Variants in CHRNA1 observed in about 807,000 individuals in gnomAD.
The protein encoded by CHRNA1 is cholinergic receptor nicotinic alpha 1 subunit.
CHRNA1 carries 35 observed loss-of-function variants against 47.1 expected under a neutral mutation model. The ratio of observed to expected loss-of-function variants is 0.74; its 90% CI spans 0.57 to 0.99. The LOEUF is 0.99. CHRNA1 is among the 50% of genes least tolerant of loss of function. CHRNA1 has a pLI of 0.00. For synonymous variants in CHRNA1, 229 were observed against 223.6 expected, an observed-to-expected ratio of 1.02 and a Z score of -0.22; for missense variants, 506 against 591.1, an observed-to-expected ratio of 0.86 and a Z score of 1.49.
rs767901131 is a variant in CHRNA1, at chr2:174,753,567, G to A, written c.714C>T (p.Val238=). The A allele has an allele frequency of 6.2e-7, 1 of 1,614,188 alleles. No homozygotes were observed. The highest frequency in any genetic ancestry group is 8.5e-7 in the Non-Finnish European group (1 of 1,180,030). The change falls in exon 6 of 9, where the codon GTC becomes GTT. Residue 238 remains valine, a synonymous_variant. Transcript: ENST00000348749. ...QRLPLYFIVN[V]IIPCLLFSFL... ...AGGAGAAGAGCAGGCAGGGGATGAT[G>A]ACGTTGACGATGAAGTAGAGGGGCA...
chr2:174,753,143 G>C, intron 6 of CHRNA1: 1 of 525,316 alleles, frequency 1.9e-6, no homozygotes, highest in East Asian at 3.3e-5. Flanking sequence ...TGACTTCATC[G>C]TGGAAGTGGC....
chr2:174,759,284 T>A, intron 3 of CHRNA1, 47 bp downstream of exon 3: 1 of 1,593,672 alleles, frequency 6.3e-7, no homozygotes. Flanking sequence ...AGGTTTAATT[T>A]CAGTGTGAAT....
chr2:174,762,921 A>G (rs1237695882), intron 1 of CHRNA1, among the ~76,000 whole-genome samples: 1 of 152,202 alleles, frequency 6.6e-6, no homozygotes. Flanking sequence ...ATGGATCATT[A>G]TTATCTTAAC....
At chr2:174,757,496 G>T in intron 4 of CHRNA1, 70 bp downstream of exon 4, 2 of 1,084,566 alleles carry the variant, frequency 1.8e-6, no homozygotes, top group South Asian at 1.3e-5. Context: ...CGAGCGCGCA[G>T]CCCTTCTATT....
intron 4 of CHRNA1, among the ~76,000 whole-genome samples, chr2:174,755,594 A>G (rs1464742088): frequency 6.6e-6 from 1 of 151,584 alleles, no homozygotes; most frequent in Non-Finnish European, 1.5e-5. Context: ...AATTTTTTGT[A>G]TTTTTAGTAG....
Position 174,760,659 on chromosome 2 carries a change from T to G in CHRNA1, c.44-1026A>C, listed in dbSNP as rs530089484. ...GTGATGGTCTTATAACATGTGAATG[T>G]ACTTAATGCCACTGAATTGTATACT... On this transcript the variant is annotated intron_variant, in intron 1 of 8. Coordinates refer to ENST00000348749, the MANE Select transcript of CHRNA1 (RefSeq NM_000079.4). Among the ~76,000 whole-genome samples, 5 of 152,358 alleles carry G rather than the reference T, an allele frequency of 3.3e-5. No individual in the cohort carries two copies. In the South Asian group the frequency reaches 8.3e-4, roughly 25 times the overall value.
chr2:174,763,917 AT>A (rs1172418113), intron 1 of CHRNA1, among the ~76,000 whole-genome samples: 10 of 152,144 alleles, frequency 6.6e-5, no homozygotes, highest in Non-Finnish European at 1.5e-4. Context: ...TATTATTAGA[AT>A]TCTCCTGGAG....
At chr2:174,748,374 C>G in intron 8 of CHRNA1, 119 bp from the exon 9 acceptor site, 1 of 1,472,898 alleles carries the variant, frequency 6.8e-7, no homozygotes, top group Non-Finnish European at 9.3e-7. Context: ...CCTCCCATCC[C>G]TTGGCTGGCA....
chr2:174,750,344 A>G (rs1683824461), intron 6 of CHRNA1, among the ~76,000 whole-genome samples, 175 bp from the exon 7 acceptor site: 1 of 152,182 alleles, frequency 6.6e-6, no homozygotes, highest in African/African-American at 2.4e-5. Flanking sequence ...ACGAGGTGAT[A>G]TGGGGTAGTG....
chr2:174,751,828 GC>G (rs1048524586), intron 6 of CHRNA1, among the ~76,000 whole-genome samples: 38 of 151,884 alleles, frequency 2.5e-4, no homozygotes, highest in African/African-American at 8.0e-4. Flanking sequence ...ACAGGCACGT[GC>G]CACCACACCT....
At chr2:174,753,152 G>A in intron 6 of CHRNA1, 1 of 543,534 alleles carries the variant, frequency 1.8e-6, no homozygotes, top group South Asian at 2.1e-5. Context: ...CGTGGAAGTG[G>A]CATGAGAAGT....
intron 3 of CHRNA1, chr2:174,758,161 C>A: frequency 7.8e-7 from 1 of 1,274,030 alleles, no homozygotes; most frequent in South Asian, 1.3e-5. Flanking sequence ...GTAATCCCAG[C>A]ACTTTGGGAG....
intron 7 of CHRNA1, 76 bp from the exon 8 acceptor site, chr2:174,748,895 A>G: frequency 6.3e-7 from 1 of 1,581,990 alleles, no homozygotes; most frequent in Non-Finnish European, 8.6e-7. Flanking sequence ...TTGAATTATC[A>G]ATGTGATTTG....
intron 1 of CHRNA1, among the ~76,000 whole-genome samples, chr2:174,759,929 T>TACGCAC (rs1684069148): frequency 2.1e-5 from 3 of 143,984 alleles, no homozygotes; most frequent in African/African-American, 8.0e-5. Context: ...GTTTGCCAGG[T>TACGCAC]ACACACACAC....
At chr2:174,751,762 T>A (rs1339621638) in intron 6 of CHRNA1, among the ~76,000 whole-genome samples, 1 of 151,420 alleles carries the variant, frequency 6.6e-6, no homozygotes. Flanking sequence ...CACTGCAACC[T>A]CCGCCTCCAG....
chr2:174,750,221 G>A, intron 6 of CHRNA1, 52 bp from the exon 7 acceptor site: 1 of 1,438,278 alleles, frequency 7.0e-7, no homozygotes, highest in Non-Finnish European at 9.6e-7. Context: ...CATCTGGGTT[G>A]GGCTGCAGTG....
At position 174,748,065 on chromosome 2, in the gene CHRNA1, C is replaced by G. The variant is rs912936283; in HGVS notation, c.*59G>C. On this transcript the variant is annotated 3_prime_UTR_variant, in exon 9 of 9. Coordinates refer to ENST00000348749, the MANE Select transcript of CHRNA1 (RefSeq NM_000079.4). ...GGAGCAAGTAGACAAATCTTCCTCT[C>G]CTGCCCTTCTCTGCTCTGGTAGGTT... 5.6e-6 allele frequency: 9 copies of G among 1,607,692 alleles called. No individual in the cohort carries two copies. Among genetic ancestry groups the G allele is most frequent in the Non-Finnish European group, 6.8e-6 (8 of 1,176,370 alleles).
In CHRNA1 at chr2:174,757,560, G is replaced by C. The variant is rs1438960872; in HGVS notation, c.344+6C>G. On this transcript the variant is annotated splice_donor_region_variant and intron_variant, in intron 4 of 8. Transcript: ENST00000348749. ...GCACCCTCCGCCACCCATGCAGTTT[G>C]CTCACTTGTTATAGAGAACAAGGTC... 1 of 1,609,596 alleles carries C rather than the reference G, an allele frequency of 6.2e-7. No homozygotes were observed. Among genetic ancestry groups the C allele is most frequent in the African/African-American group, 1.3e-5 (1 of 74,898 alleles).
chr2:174,747,826 C>A lies in CHRNA1; in HGVS notation c.*298G>T. The A allele has an allele frequency of 2.7e-6, 1 of 364,942 alleles. No homozygotes were observed. The highest frequency in any genetic ancestry group is 5.2e-6 in the Non-Finnish European group (1 of 191,164). The allele number at this position is 364,942 out of a possible 1,614,324, so 22.6% of individuals were successfully genotyped here. ...CAGCAATGACAATGCAACAGAAAAC[C>A]TCGGTTATCCTGGCAAAAACTCTTC... On this transcript the variant is annotated 3_prime_UTR_variant, in exon 9 of 9. Transcript: ENST00000348749.
Sources: gnomAD v4.1 joint callset for allele counts (sites outside exome capture counted in the v4.1 genomes callset) on GRCh38, gnomAD v4.1.1 for gene constraint, MANE v1.5 for transcripts, NCBI Gene and HGNC (gene_info 2026-07-23, HGNC 2026-07-21) for gene names.